The following ANKHD1 variants were observed in gnomAD, a reference collection of about 807,000 sequenced individuals.
ANKHD1 encodes ankyrin repeat and KH domain containing 1.
In ANKHD1, 31 loss-of-function variants were observed where a neutral mutation model predicts 230.5. The ratio of observed to expected loss-of-function variants is 0.13; its 90% CI spans 0.10 to 0.18. The LOEUF (loss-of-function observed/expected upper bound fraction) is 0.18, where lower values mean the gene tolerates loss of function less well. Among genes scored for constraint, ANKHD1 ranks in the 10% least tolerant of loss-of-function variants. ANKHD1 has a pLI of 1.00. For missense variants in ANKHD1, 2,256 were observed against 3,071.3 expected, an observed-to-expected ratio of 0.73 and a Z score of 6.27; for synonymous variants, 1,074 against 1,117.6, an observed-to-expected ratio of 0.96 and a Z score of 0.78.
rs962836063 is a variant in ANKHD1 at position 140,410,828 on chromosome 5, C to A, written c.306+8555C>A. Among the ~76,000 whole-genome samples, 13 of 152,068 alleles carry A rather than the reference C, an allele frequency of 8.5e-5. 1 individual carries two copies. The highest frequency in any genetic ancestry group is 1.3e-4 in the Non-Finnish European group (9 of 68,022). ...GTTATTTTATTTAATCGTTTCATCA[C>A]CCCTTTGAGGTAGGTATTATCTACA... On this transcript the variant is annotated intron_variant, in intron 1 of 33. Coordinates refer to ENST00000360839, the MANE Select transcript of ANKHD1 (RefSeq NM_017747.3).
rs757336206 is a variant in ANKHD1 at position 140,539,462 on chromosome 5, A to G, written c.*44A>G. ...TTTAGCCTTGTTTAAGAAACCTATG[A>G]CCTTGGAAGAACCATGGGGATTTTT... On this transcript the variant is annotated 3_prime_UTR_variant, in exon 34 of 34. Coordinates refer to ENST00000360839, the MANE Select transcript of ANKHD1 (RefSeq NM_017747.3). The G allele has an allele frequency of 1.3e-5, 20 of 1,566,228 alleles. No homozygotes were observed. The highest frequency in any genetic ancestry group is 1.7e-5 in the Non-Finnish European group (20 of 1,156,860).
At chr5:140,416,300 C>T (rs1052717880) in intron 1 of ANKHD1, among the ~76,000 whole-genome samples, 1 of 152,160 alleles carries the variant, frequency 6.6e-6, no homozygotes, top group African/African-American at 2.4e-5. Context: ...TGGGTATATA[C>T]CCAGTAATGG....
Position 140,505,807 on chromosome 5 carries a change from G to T in ANKHD1, c.3346G>T (p.Ala1116Ser). The T allele has an allele frequency of 6.2e-7, 1 of 1,612,522 alleles. No individual in the cohort carries two copies. Among genetic ancestry groups the T allele is most frequent in the East Asian group, 2.2e-5 (1 of 44,642 alleles). ...TTTGGATAAAGGTGGAGATATAGAA[G>T]CACAGTCTGAACGAACTAAGGATAC... is the stretch of plus-strand genomic sequence containing the variant. ...ILLDKGGDIE[A>S]QSERTKDTPL... Residue 1116 changes from alanine (A) to serine (S), a missense_variant, in exon 18 of 34, where the codon GCA becomes TCA. Transcript: ENST00000360839.
intron 24 of ANKHD1, among the ~76,000 whole-genome samples, chr5:140,520,408 A>G (rs1753273054): frequency 6.6e-6 from 1 of 152,108 alleles, no homozygotes; most frequent in East Asian, 1.9e-4. Context: ...ATACCATTTG[A>G]CCCAGCCATC....
intron 15 of ANKHD1, chr5:140,498,296 C>A (rs569345381): frequency 6.6e-6 from 1 of 152,208 alleles, no homozygotes; most frequent in East Asian, 1.9e-4. Flanking sequence ...ATTATGCTAT[C>A]TCAGTTTCCT....
intron 24 of ANKHD1, among the ~76,000 whole-genome samples, chr5:140,518,212 C>T (rs1483328890): frequency 6.6e-6 from 1 of 152,100 alleles, no homozygotes; most frequent in Non-Finnish European, 1.5e-5. Context: ...TTCCTCGACA[C>T]ATACACTCTC....
rs1002416718 is a variant in ANKHD1, at chr5:140,523,356, C to T, written c.4318-710C>T. Among the ~76,000 whole-genome samples the T allele has an allele frequency of 1.2e-4, 18 of 152,076 alleles. No individual in the cohort carries two copies. The South Asian group carries it at 3.7e-3, about 32-fold the overall frequency. ...CTCCTGGGCTCAAGCAATCTTTCCT[C>T]CTCAGTCTCCCAAAGTGCTTGTATT... is the stretch of plus-strand genomic sequence containing the variant. On this transcript the variant is annotated intron_variant, in intron 24 of 33. Transcript: ENST00000360839.
chr5:140,450,083 A>G (rs1178275608), intron 7 of ANKHD1, among the ~76,000 whole-genome samples: 6 of 152,178 alleles, frequency 3.9e-5, no homozygotes, highest in African/African-American at 1.4e-4. Flanking sequence ...TCTAAAAGAG[A>G]GTGCAAATAC....
At chr5:140,433,004 C>T (rs995746449) in intron 1 of ANKHD1, among the ~76,000 whole-genome samples, 1 of 151,498 alleles carries the variant, frequency 6.6e-6, no homozygotes, top group Non-Finnish European at 1.5e-5. Flanking sequence ...GTGCTCGGCT[C>T]GTACCTTACA....
At chr5:140,421,736 A>G (rs968547407) in intron 1 of ANKHD1, among the ~76,000 whole-genome samples, 2 of 152,214 alleles carry the variant, frequency 1.3e-5, no homozygotes, top group African/African-American at 4.8e-5. Flanking sequence ...TAGGTTACTA[A>G]TTATTTCAGC....
At chr5:140,422,903 T>A (rs1772111418) in intron 1 of ANKHD1, among the ~76,000 whole-genome samples, 1 of 151,676 alleles carries the variant, frequency 6.6e-6, no homozygotes, top group Non-Finnish European at 1.5e-5. Flanking sequence ...TGAGACAGGG[T>A]CTTGCTCTTT....
At chr5:140,437,668 T>C (rs111919803) in intron 2 of ANKHD1, among the ~76,000 whole-genome samples, 3,233 of 152,332 alleles carry the variant, frequency 0.021, 38 homozygotes, top group Middle Eastern at 0.034. Context: ...ATTGTGCCAC[T>C]GCACTTCAGT....
intron 1 of ANKHD1, among the ~76,000 whole-genome samples, chr5:140,431,344 A>G (rs1017534375): frequency 3.9e-5 from 6 of 152,246 alleles, no homozygotes; most frequent in East Asian, 1.9e-4. Flanking sequence ...ACCACACTCA[A>G]AAGTTCAAGT....
intron 15 of ANKHD1, among the ~76,000 whole-genome samples, chr5:140,499,298 T>A (rs1437731351): frequency 6.6e-6 from 1 of 152,128 alleles, no homozygotes; most frequent in African/African-American, 2.4e-5. Context: ...AAGGGTGAAT[T>A]AGGTTAATAC....
chr5:140,521,796 A>G (rs1192369462), intron 24 of ANKHD1, among the ~76,000 whole-genome samples: 1 of 152,054 alleles, frequency 6.6e-6, no homozygotes, highest in African/African-American at 2.4e-5. Context: ...GCTGGCTAAC[A>G]TGGTAAAACC....
Position 140,485,145 on chromosome 5 carries a change from C to A in ANKHD1, c.1895C>A (p.Ala632Asp). The change falls in exon 12 of 34, where the codon GCC (alanine) becomes GAC (aspartate). Residue 632 changes from alanine to aspartate, a missense_variant. Physicochemically the swap from Ala to Asp is moderately radical, Grantham distance 126. This residue lies in a region of ANKHD1 where 179 missense variants were observed against 261.8 expected (regional missense o/e 0.68). Transcript: ENST00000360839. The surrounding 1 kb of genome is among the most constrained non-coding windows in gnomAD (Gnocchi z 4.8). ...GGTGCCAATGTTAACAGGGCTACAG[C>A]CAATAATGATCATACAGTAGTGTCG... ...SKGANVNRAT[A>D]NNDHTVVSLA... 6.2e-7 allele frequency: 1 copy of A among 1,612,556 alleles called. No homozygotes were observed. Among genetic ancestry groups the A allele is most frequent in the Non-Finnish European group, 8.5e-7 (1 of 1,178,794 alleles).
chr5:140,464,569 C>A, intron 9 of ANKHD1, 98 bp from the exon 10 acceptor site: 1 of 1,032,846 alleles, frequency 9.7e-7, no homozygotes. Flanking sequence ...TTGATATTTT[C>A]ACATTTTGAA....
intron 15 of ANKHD1, among the ~76,000 whole-genome samples, chr5:140,500,765 G>A (rs1168630371): frequency 9.9e-5 from 15 of 151,732 alleles, no homozygotes; most frequent in Non-Finnish European, 2.9e-5. Flanking sequence ...GATGTAATAT[G>A]CATGCATATG....
chr5:140,458,980 GCATATATATATATATGCATATATATATA>G (rs1561755251), intron 8 of ANKHD1, 118 bp downstream of exon 8: 21 of 18,126 alleles, frequency 1.2e-3, no homozygotes, highest in Non-Finnish European at 2.1e-3. Flanking sequence ...ATATATATAT[GCATATATATATATATGCATATATATATA>G]TATATATATA....
Sources: gnomAD v4.1 joint callset for allele counts (sites outside exome capture counted in the v4.1 genomes callset) on GRCh38, gnomAD v4.1.1 for gene constraint, gnomAD v4.1.1 regional missense constraint, Gnocchi (gnomAD v3.1) non-coding constraint, MANE v1.5 for transcripts, NCBI Gene and HGNC (gene_info 2026-07-23, HGNC 2026-07-21) for gene names.